Variants in IP6K3 observed in about 807,000 individuals in gnomAD.
The protein encoded by IP6K3 is inositol hexakisphosphate kinase 3, also known as ATP:1D-myo-inositol-hexakisphosphate phosphotransferase.
In IP6K3, 20 loss-of-function variants were observed where a neutral mutation model predicts 28.8. That is an observed-to-expected ratio of 0.70 (90% CI 0.49 to 1.01). The LOEUF (loss-of-function observed/expected upper bound fraction) is 1.01, where lower values mean the gene tolerates loss of function less well. IP6K3 is among the 50% of genes least tolerant of loss of function. IP6K3 has a pLI of 0.00. For synonymous variants in IP6K3, 213 were observed against 221.3 expected (o/e 0.96, Z 0.33); for missense variants, 480 against 537.1 (o/e 0.89, Z 1.05).
At chr6:33,725,378 A>G in intron 5 of IP6K3, 63 bp downstream of exon 5, 1 of 1,496,004 alleles carries the variant, frequency 6.7e-7, no homozygotes, top group African/African-American at 1.4e-5. Flanking sequence ...GATGGGAGAT[A>G]TCCTTGCCCC....
chr6:33,723,200 A>C lies in IP6K3; in HGVS notation c.766-13T>G. On this transcript the variant is annotated splice_polypyrimidine_tract_variant and intron_variant, in intron 5 of 5. Transcript: ENST00000293756. The stretch of plus-strand genomic sequence containing the variant: ...CTGTTTGATAAACCTTACATTAAAA[A>C]GAATAAAGAAAATGTGAAGATTGGA... 1 of 1,508,664 alleles carries C rather than the reference A, an allele frequency of 6.6e-7. No individual in the cohort carries two copies. Among genetic ancestry groups the C allele is most frequent in the Non-Finnish European group, 8.9e-7 (1 of 1,117,584 alleles). 93.5% of individuals were successfully genotyped at this position (1,508,664 alleles called of 1,614,324 possible).
At chr6:33,745,990 G>A (rs1488791185) in intron 1 of IP6K3, among the ~76,000 whole-genome samples, 2 of 152,134 alleles carry the variant, frequency 1.3e-5, no homozygotes, top group Non-Finnish European at 2.9e-5. Context: ...AATGTAGAAG[G>A]CAGAGTCCCT....
At chr6:33,749,767 TCTTGTTTGGTC>T, upstream of IP6K3, among the ~76,000 whole-genome samples, 1 of 151,980 alleles carries the variant, frequency 6.6e-6, no homozygotes, top group African/African-American at 2.4e-5. Context: ...ACACACTTTA[TCTTGTTTGGTC>T]CTCACAATAG....
chr6:33,731,699 G>A (rs1766328373), intron 2 of IP6K3, among the ~76,000 whole-genome samples: 1 of 151,846 alleles, frequency 6.6e-6, no homozygotes, highest in African/African-American at 2.4e-5. Context: ...ACAGTCTCCA[G>A]TTGCCTGCCC....
Position 33,722,894 on chromosome 6 carries a change from G to C in IP6K3, c.1059C>G (p.His353Gln). ...PHPHEAPQAA[H>Q]GSSPGGLTKV... ...TGGTGAGACCACCGGGAGAGCTACC[G>C]TGGGCTGCCTGGGGAGCCTCGTGAG... The change falls in exon 6 of 6, where the codon CAC becomes CAG. Residue 353 changes from histidine to glutamine, a missense_variant. Coordinates refer to ENST00000293756, the MANE Select transcript of IP6K3 (RefSeq NM_054111.5). 6.2e-7 allele frequency: 1 copy of C among 1,614,162 alleles called. No homozygotes were observed. Among genetic ancestry groups the C allele is most frequent in the Non-Finnish European group, 8.5e-7 (1 of 1,180,028 alleles).
intron 1 of IP6K3, among the ~76,000 whole-genome samples, chr6:33,736,370 G>A (rs930030098): frequency 2.6e-5 from 4 of 151,934 alleles, no homozygotes; most frequent in Non-Finnish European, 5.9e-5. Flanking sequence ...GTCCTGCAGG[G>A]GATTATGGGT....
At chr6:33,758,117 A>G in the IP6K3 span, among the ~76,000 whole-genome samples, 5 of 152,174 alleles carry the variant, frequency 3.3e-5, no homozygotes, top group Admixed American at 2.6e-4. Flanking sequence ...GGTGCCGCCA[A>G]AGGAACAACA....
At position 33,725,539 on chromosome 6, in the gene IP6K3, G is replaced by T; in HGVS notation, c.667C>A (p.His223Asn). 1 of 1,614,142 alleles carries T rather than the reference G, an allele frequency of 6.2e-7. No homozygotes were observed. The highest frequency in any genetic ancestry group is 8.5e-7 in the Non-Finnish European group (1 of 1,180,026). The change falls in exon 5 of 6, where the codon CAC becomes AAC. Residue 223 changes from histidine to asparagine, a missense_variant. Coordinates refer to ENST00000293756, the MANE Select transcript of IP6K3 (RefSeq NM_054111.5). ...VLDLKMGTRQ[H>N]GDDASEEKKA... Reference sequence around the variant, plus strand: ...TTCTCCTCCGATGCATCATCGCCGTGCTGCCGGGTCCCCATCTTCAGATCC... The same window carrying T: ...TTCTCCTCCGATGCATCATCGCCGTTCTGCCGGGTCCCCATCTTCAGATCC...
intron 3 of IP6K3, chr6:33,727,763 C>T (rs1354269660): frequency 1.1e-6 from 1 of 912,320 alleles, no homozygotes; most frequent in African/African-American, 1.8e-5. Flanking sequence ...GTTTTGTGTA[C>T]TTCCTCCCCA....
At chr6:33,748,636 T>G (rs1766974606), upstream of IP6K3, among the ~76,000 whole-genome samples, 1 of 102,146 alleles carries the variant, frequency 9.8e-6, no homozygotes, top group African/African-American at 3.9e-5. Context: ...AGAGAGACCC[T>G]GTCTCCAAAA....
At chr6:33,734,051 A>C (rs1200866520) in intron 2 of IP6K3, among the ~76,000 whole-genome samples, 1 of 151,990 alleles carries the variant, frequency 6.6e-6, no homozygotes, top group Non-Finnish European at 1.5e-5. Context: ...AAAAATACAA[A>C]AATTGGCCGA....
intron 2 of IP6K3, 54 bp from the exon 3 acceptor site, chr6:33,728,354 C>T (rs13204162): frequency 0.17 from 262,281 of 1,527,590 alleles, 24,614 homozygotes; most frequent in Non-Finnish European, 0.2. Context: ...AGCCTCCACA[C>T]GGACATGCAG....
At chr6:33,741,844 G>C in intron 1 of IP6K3, among the ~76,000 whole-genome samples, 1 of 151,330 alleles carries the variant, frequency 6.6e-6, no homozygotes. Flanking sequence ...CCAGCTACTC[G>C]GGAGGCTGAG....
At chr6:33,725,307 T>G (rs1766058988) in intron 5 of IP6K3, 134 bp downstream of exon 5, 4 of 788,590 alleles carry the variant, frequency 5.1e-6, no homozygotes, top group Non-Finnish European at 7.7e-6. Context: ...TGTTGGAGGC[T>G]CCTGGCCTCC....
intron 1 of IP6K3, among the ~76,000 whole-genome samples, chr6:33,745,854 CA>C (rs1766887905): frequency 6.6e-6 from 1 of 152,152 alleles, no homozygotes; most frequent in African/African-American, 2.4e-5. Context: ...ACAAATACGA[CA>C]AAACTCGGGC....
At chr6:33,760,466 C>T in the IP6K3 span, among the ~76,000 whole-genome samples, 2 of 152,268 alleles carry the variant, frequency 1.3e-5, no homozygotes, top group East Asian at 1.9e-4. Flanking sequence ...AGTGGAGGGG[C>T]GTGAGTCTGT....
At chr6:33,725,160 C>T (rs1048546157) in intron 5 of IP6K3, among the ~76,000 whole-genome samples, 5 of 145,446 alleles carry the variant, frequency 3.4e-5, no homozygotes, top group Admixed American at 1.4e-4. Context: ...ACCCGGGAGG[C>T]GGAGGTTGCA....
chr6:33,757,518 C>T, the IP6K3 span, among the ~76,000 whole-genome samples: 25 of 152,246 alleles, frequency 1.6e-4, no homozygotes, highest in South Asian at 3.7e-3. Flanking sequence ...CCAATTGGGC[C>T]GTGAGCTTTT....
At chr6:33,729,546 G>C (rs1766243556) in intron 2 of IP6K3, among the ~76,000 whole-genome samples, 1 of 152,088 alleles carries the variant, frequency 6.6e-6, no homozygotes, top group Admixed American at 6.5e-5. Context: ...TATTCCACTG[G>C]TTCCCACCCC....
Sources: allele counts gnomAD v4.1 joint callset (sites outside exome capture counted in the v4.1 genomes callset), GRCh38; gene constraint gnomAD v4.1.1; transcripts MANE v1.5; gene names NCBI Gene and HGNC (gene_info 2026-07-23, HGNC 2026-07-21).